Variants in FAM20B observed in about 807,000 individuals in gnomAD.
The protein encoded by FAM20B is glycosaminoglycan xylosylkinase.
Under a neutral mutation model 43.8 loss-of-function variants are expected in FAM20B, and 23 were observed. That is an observed-to-expected ratio of 0.53 (90% CI 0.38 to 0.74). The LOEUF (loss-of-function observed/expected upper bound fraction) is 0.74, where lower values mean the gene tolerates loss of function less well. Ranked by LOEUF, FAM20B falls within the 30% of genes least tolerant of loss-of-function variation. FAM20B has a pLI of 0.00. For synonymous variants in FAM20B, 178 were observed against 192.4 expected, an observed-to-expected ratio of 0.93 and a Z score of 0.62; for missense variants, 440 against 510.5, an observed-to-expected ratio of 0.86 and a Z score of 1.33.
intron 1 of FAM20B, among the ~76,000 whole-genome samples, chr1:179,035,912 T>G (rs1650208126): frequency 1.3e-5 from 2 of 152,004 alleles, no homozygotes; most frequent in Non-Finnish European, 2.9e-5. Context: ...GGCAGATCAC[T>G]TGAGGTCAGG....
At chr1:179,057,345 CA>C (rs1037326886) in intron 4 of FAM20B, among the ~76,000 whole-genome samples, 40 of 148,986 alleles carry the variant, frequency 2.7e-4, no homozygotes, top group Non-Finnish European at 3.7e-4. Flanking sequence ...GACTCCATCT[CA>C]AAAAAAAAAA....
chr1:179,070,237 G>T (rs1205451330), intron 7 of FAM20B, among the ~76,000 whole-genome samples: 1 of 151,836 alleles, frequency 6.6e-6, no homozygotes, highest in Admixed American at 6.6e-5. Flanking sequence ...GGAGAGATGG[G>T]GTTTCACCAT....
chr1:179,027,492 A>G (rs1309754027), intron 1 of FAM20B, among the ~76,000 whole-genome samples: 2 of 152,248 alleles, frequency 1.3e-5, no homozygotes, highest in Non-Finnish European at 2.9e-5. Context: ...AATGTATTCT[A>G]TTAATAACTT....
chr1:179,074,949 G>A lies in FAM20B; in HGVS notation c.*2805G>A, dbSNP rs932710592. 5 of 152,220 alleles carry A rather than the reference G, an allele frequency of 3.3e-5. No homozygotes were observed. The highest frequency in any genetic ancestry group is 1.2e-4 in the African/African-American group (5 of 41,454). The allele number at this position is 152,220 out of a possible 1,614,324, so 9.4% of individuals were successfully genotyped here. A position where few individuals can be genotyped will look rare whatever the true frequency, so the allele number is the denominator to read the frequency against. On this transcript the variant is annotated 3_prime_UTR_variant, in exon 8 of 8. Transcript: ENST00000263733. ...CTCATGCCTGTCATCCCAGCATTTG[G>A]GAGGCTGAGGCAGGCAGATCACCTG...
intron 1 of FAM20B, among the ~76,000 whole-genome samples, chr1:179,036,784 G>A (rs527262359): frequency 3.3e-4 from 51 of 152,318 alleles, no homozygotes; most frequent in African/African-American, 6.7e-4. Context: ...ATACAAGGCC[G>A]AATGTAGTTA....
intron 1 of FAM20B, among the ~76,000 whole-genome samples, chr1:179,030,312 A>C (rs1384262618): frequency 3.3e-5 from 5 of 152,138 alleles, no homozygotes; most frequent in Non-Finnish European, 5.9e-5. Flanking sequence ...TAAAAAAAAA[A>C]ACAAAATAAT....
chr1:179,074,812 T>C lies in FAM20B; in HGVS notation c.*2668T>C, dbSNP rs572842929. ...AGGATTGGAGTAAGCTGGAAAAGTA[T>C]GTTTAGGCAAATCTTGGAGAAAACC... is the stretch of plus-strand genomic sequence containing the variant. On this transcript the variant is annotated 3_prime_UTR_variant, in exon 8 of 8. Coordinates refer to ENST00000263733, the MANE Select transcript of FAM20B (RefSeq NM_014864.4). The C allele has an allele frequency of 6.6e-6, 1 of 152,348 alleles. No homozygotes were observed. The highest frequency in any genetic ancestry group is 1.5e-5 in the Non-Finnish European group (1 of 68,032). 9.4% of individuals were successfully genotyped at this position (152,348 alleles called of 1,614,324 possible).
At chr1:179,050,194 C>A in intron 2 of FAM20B, 85 bp from the exon 3 acceptor site, 1 of 892,332 alleles carries the variant, frequency 1.1e-6, no homozygotes, top group South Asian at 1.4e-5. Flanking sequence ...ATCAGGCTTG[C>A]TAATGGGTGT....
chr1:179,064,314 T>C lies in FAM20B; in HGVS notation c.756T>C (p.Tyr252=). 1 of 1,604,924 alleles carries C rather than the reference T, an allele frequency of 6.2e-7. No individual in the cohort carries two copies. The highest frequency in any genetic ancestry group is 2.2e-5 in the East Asian group (1 of 44,660). The change falls in exon 6 of 8, where the codon TAT becomes TAC. Residue 252 remains tyrosine, a synonymous_variant. Transcript: ENST00000263733. ...YREGKLARWE[Y]DESYCDAVKK... ...TGCTGCTTGTCTCCAGGTGGGAGTATGATGAGAGCTACTGTGATGCTGTGA... is the reference window on the plus strand; with the variant it reads ...TGCTGCTTGTCTCCAGGTGGGAGTACGATGAGAGCTACTGTGATGCTGTGA...
chr1:179,066,809 C>G lies in FAM20B; in HGVS notation c.948C>G (p.Asn316Lys). ...ILLDNAKSFGNPSLDERSILA... is the reference protein window; with the variant it reads ...ILLDNAKSFGKPSLDERSILA... ...TTAATTTAATTTTCAGCTTTGGGAACCCCTCGCTGGATGAAAGAAGCATTC... is the reference window on the plus strand; with the variant it reads ...TTAATTTAATTTTCAGCTTTGGGAAGCCCTCGCTGGATGAAAGAAGCATTC... Residue 316 changes from asparagine (N) to lysine (K), a missense_variant, in exon 7 of 8, where the codon AAC becomes AAG. Physicochemically the swap from Asn to Lys is moderately conservative, Grantham distance 94. Coordinates refer to ENST00000263733, the MANE Select transcript of FAM20B (RefSeq NM_014864.4). The G allele has an allele frequency of 6.2e-7, 1 of 1,611,638 alleles. No individual in the cohort carries two copies. The highest frequency in any genetic ancestry group is 8.5e-7 in the Non-Finnish European group (1 of 1,177,704).
intron 2 of FAM20B, among the ~76,000 whole-genome samples, chr1:179,049,687 T>C (rs1457082554): frequency 6.6e-6 from 1 of 152,142 alleles, no homozygotes; most frequent in East Asian, 1.9e-4. Context: ...ATTACAGGCA[T>C]TCACCACCAC....
At chr1:179,029,522 G>A (rs572248951) in intron 1 of FAM20B, among the ~76,000 whole-genome samples, 9 of 152,328 alleles carry the variant, frequency 5.9e-5, no homozygotes, top group South Asian at 2.1e-4. Flanking sequence ...AGATGGGTGC[G>A]TCTGTCATCC....
chr1:179,054,242 A>G (rs1427064888), intron 3 of FAM20B, among the ~76,000 whole-genome samples: 1 of 151,942 alleles, frequency 6.6e-6, no homozygotes, highest in Non-Finnish European at 1.5e-5. Context: ...CTATCATACA[A>G]AAGTAGAAAG....
chr1:179,023,931 T>G (rs1250104581), upstream of FAM20B, among the ~76,000 whole-genome samples: 1 of 152,296 alleles, frequency 6.6e-6, no homozygotes, highest in African/African-American at 2.4e-5. Context: ...GTTGATTGGT[T>G]GGAAAATAAT....
the FAM20B span, among the ~76,000 whole-genome samples, chr1:179,017,816 G>T: frequency 1.2e-3 from 177 of 152,198 alleles, no homozygotes; most frequent in African/African-American, 4.1e-3. Context: ...TAGTATCAAA[G>T]AATAATTCAA....
chr1:179,052,203 ATG>A (rs1557873958), intron 3 of FAM20B, among the ~76,000 whole-genome samples: 2 of 152,216 alleles, frequency 1.3e-5, no homozygotes, highest in Non-Finnish European at 2.9e-5. Flanking sequence ...TGGTCTTAAT[ATG>A]TGTTTATACA....
chr1:179,055,783 G>A (rs939745651), intron 4 of FAM20B, among the ~76,000 whole-genome samples: 26 of 152,138 alleles, frequency 1.7e-4, no homozygotes, highest in Admixed American at 1.4e-3. Flanking sequence ...CTTGAACTGA[G>A]TATTGAAGAA....
At chr1:179,022,078 G>C (rs776945246), upstream of FAM20B, among the ~76,000 whole-genome samples, 10 of 152,174 alleles carry the variant, frequency 6.6e-5, no homozygotes, top group Admixed American at 2.0e-4. Flanking sequence ...TGGGGTAAGT[G>C]GGCAGTCCGT....
At chr1:179,056,886 C>T (rs1651242598) in intron 4 of FAM20B, among the ~76,000 whole-genome samples, 1 of 152,144 alleles carries the variant, frequency 6.6e-6, no homozygotes, top group Non-Finnish European at 1.5e-5. Flanking sequence ...ATATAATGTA[C>T]AGCATCTTTA....
Sources: allele counts gnomAD v4.1 joint callset (sites outside exome capture counted in the v4.1 genomes callset), GRCh38; gene constraint gnomAD v4.1.1; transcripts MANE v1.5; gene names NCBI Gene and HGNC (gene_info 2026-07-23, HGNC 2026-07-21).